Variants in GAB1 observed in about 807,000 individuals in gnomAD.
GAB1 encodes GRB2 associated binding protein 1.
A neutral mutation model predicts 66.5 loss-of-function variants in GAB1; 19 were observed. The observed-to-expected ratio is 0.29, with a 90% CI of 0.20 to 0.42. GAB1 has a LOEUF of 0.42. Ranked by LOEUF, GAB1 falls within the 10% of genes least tolerant of loss-of-function variation. The pLI is 1.00. For missense variants in GAB1, 732 were observed against 858.5 expected, an observed-to-expected ratio of 0.85 and a Z score of 1.84; for synonymous variants, 294 against 301.4, an observed-to-expected ratio of 0.98 and a Z score of 0.25.
At chr4:143,454,187 TG>T in intron 6 of GAB1, among the ~76,000 whole-genome samples, 1 of 152,356 alleles carries the variant, frequency 6.6e-6, no homozygotes, top group Middle Eastern at 3.4e-3. Flanking sequence ...CGTATTCTTA[TG>T]GCATTTCCAT....
chr4:143,392,488 TA>T (rs972707852), intron 1 of GAB1, among the ~76,000 whole-genome samples: 1 of 152,156 alleles, frequency 6.6e-6, no homozygotes, highest in African/African-American at 2.4e-5. Context: ...TGTGGTAAGA[TA>T]CATGAAACCT....
intron 2 of GAB1, among the ~76,000 whole-genome samples, chr4:143,432,326 T>G (rs375891123): frequency 6.6e-6 from 1 of 152,326 alleles, no homozygotes; most frequent in East Asian, 1.9e-4. Flanking sequence ...ATCTTACCCT[T>G]TCTCATGCCC....
chr4:143,400,674 A>C (rs1460472053), intron 1 of GAB1, among the ~76,000 whole-genome samples: 1 of 152,168 alleles, frequency 6.6e-6, no homozygotes, highest in African/African-American at 2.4e-5. Context: ...TTAAATGAAA[A>C]TGTTATTGCT....
intron 2 of GAB1, among the ~76,000 whole-genome samples, chr4:143,428,336 G>A (rs1042253596): frequency 6.6e-6 from 1 of 152,178 alleles, no homozygotes; most frequent in African/African-American, 2.4e-5. Context: ...GAATGCTAAG[G>A]TGAAGCTGTG....
intron 4 of GAB1, 147 bp downstream of exon 4, chr4:143,438,747 A>G (rs188795973): frequency 3.8e-6 from 3 of 790,500 alleles, no homozygotes; most frequent in African/African-American, 3.5e-5. Flanking sequence ...CTGGAAGGGT[A>G]TATTGCATTC....
At chr4:143,380,887 T>C (rs181047566) in intron 1 of GAB1, 1 of 152,370 alleles carries the variant, frequency 6.6e-6, no homozygotes, top group East Asian at 1.9e-4. Flanking sequence ...CGTTAACTAA[T>C]TGTAGGGATT....
chr4:143,366,497 T>C (rs928814517), intron 1 of GAB1, among the ~76,000 whole-genome samples: 1 of 152,162 alleles, frequency 6.6e-6, no homozygotes, highest in African/African-American at 2.4e-5. Context: ...GGATAATATA[T>C]ATGGGTGTTG....
At position 143,438,466 on chromosome 4, in the gene GAB1, G is replaced by A. The variant is rs1274694486; in HGVS notation, c.1061G>A (p.Arg354Gln). 2.5e-6 allele frequency: 4 copies of A among 1,613,746 alleles called. No homozygotes were observed. The highest frequency in any genetic ancestry group is 1.1e-5 in the South Asian group (1 of 91,066). Residue 354 changes from arginine to glutamine, a missense_variant, in exon 4 of 10, where the codon CGA becomes CAA. Physicochemically the swap from Arg to Gln is conservative, Grantham distance 43. This residue lies in a region of GAB1 where 427 missense variants were observed against 420.6 expected (regional missense o/e 1.02). Coordinates refer to ENST00000262994, the MANE Select transcript of GAB1 (RefSeq NM_002039.4). ...CCGAAACCACATCCAGCTCATGACC[G>A]ATCTCCTGTGGAAACGTGTAGTATC... ...RPPKPHPAHD[R>Q]SPVETCSIPR...
intron 2 of GAB1, among the ~76,000 whole-genome samples, chr4:143,429,283 A>C (rs1051201318): frequency 6.6e-6 from 1 of 152,064 alleles, no homozygotes; most frequent in African/African-American, 2.4e-5. Context: ...TTGTATTTTT[A>C]GTAGAGATGG....
At chr4:143,370,696 C>T (rs529042657) in intron 1 of GAB1, among the ~76,000 whole-genome samples, 14 of 152,216 alleles carry the variant, frequency 9.2e-5, no homozygotes, top group South Asian at 4.2e-4. Flanking sequence ...TATCTCTCCC[C>T]GCTCCCCTGA....
At chr4:143,451,949 T>C (rs1734951501) in intron 6 of GAB1, among the ~76,000 whole-genome samples, 1 of 152,154 alleles carries the variant, frequency 6.6e-6, no homozygotes, top group South Asian at 2.1e-4. Context: ...TGTGAATGTC[T>C]GAAGCACGTC....
Position 143,438,177 on chromosome 4 carries a change from C to A in GAB1, c.772C>A (p.Leu258Ile), listed in dbSNP as rs201671221. The A allele has an allele frequency of 6.2e-7, 1 of 1,614,010 alleles. No individual in the cohort carries two copies. Among genetic ancestry groups the A allele is most frequent in the African/African-American group, 1.3e-5 (1 of 75,006 alleles). Residue 258 changes from leucine (L) to isoleucine (I), a missense_variant, in exon 4 of 10, where the codon CTT (leucine) becomes ATT (isoleucine). By Grantham distance (5) the Leu-to-Ile change is conservative. Transcript: ENST00000262994. ...RAPSASVDSSLYNLPRSYSHD... is the reference protein window; with the variant it reads ...RAPSASVDSSIYNLPRSYSHD... Reference sequence around the variant, plus strand: ...CCCATCTGCTTCAGTTGACTCCAGCCTTTATAACCTGCCCAGGAGTTATTC... The same window carrying A: ...CCCATCTGCTTCAGTTGACTCCAGCATTTATAACCTGCCCAGGAGTTATTC...
At chr4:143,431,273 A>T (rs559286373) in intron 2 of GAB1, among the ~76,000 whole-genome samples, 1 of 152,180 alleles carries the variant, frequency 6.6e-6, no homozygotes, top group African/African-American at 2.4e-5. Flanking sequence ...AGAGGGATCT[A>T]TTCACTTTTA....
In GAB1 at chr4:143,353,925, A is replaced by C. The variant is rs1218723483; in HGVS notation, c.72+16665A>C. On this transcript the variant is annotated intron_variant, in intron 1 of 9. Transcript: ENST00000262994. ...CCATCTGCTCACAAGATTTTATAGA[A>C]TCTTCATATCTGCTTTGTAAGTGTT... Among the ~76,000 whole-genome samples the C allele has an allele frequency of 2.0e-5, 3 of 152,122 alleles. No individual in the cohort carries two copies. The East Asian group carries it at 5.8e-4, about 29-fold the overall frequency.
chr4:143,424,574 C>A (rs748062062), intron 2 of GAB1, among the ~76,000 whole-genome samples: 3 of 152,068 alleles, frequency 2.0e-5, no homozygotes, highest in Non-Finnish European at 4.4e-5. Context: ...TTTTTAGATA[C>A]CACAAGAGGT....
chr4:143,450,179 A>G (rs1040083038), intron 6 of GAB1, among the ~76,000 whole-genome samples: 3 of 152,206 alleles, frequency 2.0e-5, no homozygotes, highest in Non-Finnish European at 4.4e-5. Flanking sequence ...ACTTCAAAGT[A>G]TAATTATCAT....
At chr4:143,398,520 A>G (rs2149696029) in intron 1 of GAB1, among the ~76,000 whole-genome samples, 1 of 152,328 alleles carries the variant, frequency 6.6e-6, no homozygotes, top group South Asian at 2.1e-4. Context: ...AGAATAGTGG[A>G]TCATTTAAGG....
chr4:143,454,325 G>T (rs1313742817), intron 6 of GAB1, among the ~76,000 whole-genome samples: 1 of 152,182 alleles, frequency 6.6e-6, no homozygotes, highest in Non-Finnish European at 1.5e-5. Flanking sequence ...TGGATACTAT[G>T]TTGTACTTGT....
intron 1 of GAB1, among the ~76,000 whole-genome samples, chr4:143,400,134 G>C (rs1253832258): frequency 6.6e-6 from 1 of 152,076 alleles, no homozygotes; most frequent in African/African-American, 2.4e-5. Flanking sequence ...GTAGAGACAG[G>C]GTTTCACCAT....
Sources: allele counts gnomAD v4.1 joint callset (sites outside exome capture counted in the v4.1 genomes callset), GRCh38; gene constraint gnomAD v4.1.1; regional missense constraint gnomAD v4.1.1; transcripts MANE v1.5; gene names NCBI Gene and HGNC (gene_info 2026-07-23, HGNC 2026-07-21).